The following CDH13 variants were observed in gnomAD, a reference collection of about 807,000 sequenced individuals.
CDH13 encodes the protein cadherin 13, also known as cadherin-13.
Under a neutral mutation model 63.8 loss-of-function variants are expected in CDH13, and 24 were observed. The observed-to-expected ratio is 0.38, with a 90% CI of 0.27 to 0.53. The LOEUF (loss-of-function observed/expected upper bound fraction) is 0.53. Ranked by LOEUF, CDH13 falls within the 20% of genes least tolerant of loss-of-function variation. CDH13 has a pLI of 0.85. For missense variants in CDH13, 1,049 were observed against 903.1 expected, an observed-to-expected ratio of 1.16 and a Z score of -2.07; for synonymous variants, 503 against 355.3, an observed-to-expected ratio of 1.42 and a Z score of -4.67.
chr16:82,687,827 C>G (rs572139417), intron 1 of CDH13, among the ~76,000 whole-genome samples: 5 of 152,260 alleles, frequency 3.3e-5, no homozygotes, highest in South Asian at 2.1e-4. Flanking sequence ...GCAAGAGTCT[C>G]TTTTCAAACT....
chr16:83,195,816 C>T (rs1347317245), intron 4 of CDH13, among the ~76,000 whole-genome samples: 1 of 152,166 alleles, frequency 6.6e-6, no homozygotes, highest in Admixed American at 6.5e-5. Flanking sequence ...TACAGCCACA[C>T]AAACGTGTCC....
chr16:83,202,121 C>T (rs1459706944), intron 4 of CDH13, among the ~76,000 whole-genome samples: 2 of 152,108 alleles, frequency 1.3e-5, no homozygotes, highest in Non-Finnish European at 2.9e-5. Flanking sequence ...GACTTTCAAG[C>T]TGGTAAGACT....
At chr16:83,669,288 C>T (rs980605022) in intron 8 of CDH13, among the ~76,000 whole-genome samples, 2 of 152,076 alleles carry the variant, frequency 1.3e-5, no homozygotes, top group African/African-American at 4.8e-5. Context: ...TGCGCTTTAA[C>T]CCTGGGGAAT....
chr16:83,367,151 G>C (rs577700393), intron 6 of CDH13, among the ~76,000 whole-genome samples: 1 of 152,204 alleles, frequency 6.6e-6, no homozygotes, highest in African/African-American at 2.4e-5. Flanking sequence ...TTTGGTACTA[G>C]ACAACCAATG....
At chr16:83,050,052 A>G (rs2030124748) in intron 3 of CDH13, among the ~76,000 whole-genome samples, 1 of 152,176 alleles carries the variant, frequency 6.6e-6, no homozygotes, top group South Asian at 2.1e-4. Context: ...TGATGATTGA[A>G]TGGGGGTGGC....
chr16:83,306,161 C>T (rs531686431), intron 5 of CDH13, among the ~76,000 whole-genome samples: 17 of 152,178 alleles, frequency 1.1e-4, no homozygotes, highest in African/African-American at 4.1e-4. Flanking sequence ...GGGGAGCTAA[C>T]GTTGTCACTG....
At chr16:82,658,797 G>A (rs575136156) in intron 1 of CDH13, among the ~76,000 whole-genome samples, 1 of 152,262 alleles carries the variant, frequency 6.6e-6, no homozygotes, top group South Asian at 2.1e-4. Context: ...CTGGTACAAA[G>A]TCGATAGATT....
intron 3 of CDH13, among the ~76,000 whole-genome samples, chr16:83,079,742 A>G (rs1342650839): frequency 1.3e-5 from 2 of 152,228 alleles, no homozygotes; most frequent in African/African-American, 4.8e-5. Context: ...ACATACCATG[A>G]GGATTTTTTA....
chr16:83,244,439 T>G (rs544093182), intron 5 of CDH13, among the ~76,000 whole-genome samples: 1 of 152,320 alleles, frequency 6.6e-6, no homozygotes, highest in South Asian at 2.1e-4. Context: ...ATGTCTATTA[T>G]GTATAGATGC....
At chr16:82,723,776 C>T (rs2032927419) in intron 1 of CDH13, among the ~76,000 whole-genome samples, 1 of 152,074 alleles carries the variant, frequency 6.6e-6, no homozygotes, top group Non-Finnish European at 1.5e-5. Context: ...TAGAATTTAG[C>T]CTACCTTGAG....
At chr16:83,430,954 C>T (rs767572298) in intron 6 of CDH13, among the ~76,000 whole-genome samples, 2 of 148,718 alleles carry the variant, frequency 1.3e-5, no homozygotes, top group Non-Finnish European at 1.5e-5. Context: ...TCTCCCAATG[C>T]CATCCCTCCC....
chr16:83,700,865 G>T (rs562282796), intron 10 of CDH13, among the ~76,000 whole-genome samples: 3 of 152,176 alleles, frequency 2.0e-5, no homozygotes, highest in Middle Eastern at 3.2e-3. Context: ...ACTACTATCA[G>T]CTTCCTGGGG....
At chr16:82,730,304 G>A (rs2033332061) in intron 1 of CDH13, among the ~76,000 whole-genome samples, 1 of 152,134 alleles carries the variant, frequency 6.6e-6, no homozygotes, top group Non-Finnish European at 1.5e-5. Context: ...AAAGTGAGAG[G>A]TATGCAACTC....
chr16:82,772,543 A>T (rs2035312651), intron 1 of CDH13, among the ~76,000 whole-genome samples: 1 of 152,214 alleles, frequency 6.6e-6, no homozygotes, highest in Non-Finnish European at 1.5e-5. Context: ...GGTATGAGAC[A>T]TGCTACGCAG....
intron 1 of CDH13, among the ~76,000 whole-genome samples, chr16:82,651,465 G>A (rs569125118): frequency 3.3e-5 from 5 of 152,312 alleles, no homozygotes; most frequent in Admixed American, 1.3e-4. Flanking sequence ...GCAGAACCAC[G>A]GTTTGAATCC....
intron 1 of CDH13, among the ~76,000 whole-genome samples, chr16:82,660,661 C>T (rs1441253079): frequency 6.6e-6 from 1 of 152,064 alleles, no homozygotes; most frequent in Non-Finnish European, 1.5e-5. Flanking sequence ...TACCTGGGAC[C>T]AAAGACCCTA....
At chr16:83,513,930 A>C (rs2074636661) in intron 7 of CDH13, among the ~76,000 whole-genome samples, 1 of 152,214 alleles carries the variant, frequency 6.6e-6, no homozygotes, top group South Asian at 2.1e-4. Flanking sequence ...GAAAAAAAGT[A>C]AGGGGTTATT....
At chr16:82,857,534 C>G (rs1055154451) in intron 1 of CDH13, among the ~76,000 whole-genome samples, 2 of 152,174 alleles carry the variant, frequency 1.3e-5, no homozygotes, top group Admixed American at 6.5e-5. Flanking sequence ...TCGTATACAT[C>G]TCATACATTA....
At chr16:83,000,317 C>T (rs1360838106) in intron 2 of CDH13, among the ~76,000 whole-genome samples, 1 of 130,540 alleles carries the variant, frequency 7.7e-6, no homozygotes, top group Non-Finnish European at 1.6e-5. Flanking sequence ...GCTGCGATCT[C>T]GGCTCGCTGC....
Sources: gnomAD v4.1 joint callset for allele counts (sites outside exome capture counted in the v4.1 genomes callset) on GRCh38, gnomAD v4.1.1 for gene constraint, MANE v1.5 for transcripts, NCBI Gene and HGNC (gene_info 2026-07-23, HGNC 2026-07-21) for gene names.